CATSPERE: variants seen among roughly 807,000 people sequenced by gnomAD.
The protein encoded by CATSPERE is catsper channel auxiliary subunit epsilon.
CATSPERE carries 93 observed loss-of-function variants against 114.1 expected under a neutral mutation model. That is an observed-to-expected ratio of 0.81 (90% CI 0.69 to 0.97). CATSPERE has a LOEUF of 0.97. Ranked by LOEUF, CATSPERE falls within the 50% of genes least tolerant of loss-of-function variation. The probability of loss-of-function intolerance (pLI) is 0.00; values close to 1 mark genes in which losing one functional copy is unlikely to be tolerated. For synonymous variants in CATSPERE, 341 were observed against 384.1 expected (o/e 0.89, Z 1.31); for missense variants, 1,058 against 1,131.6 (o/e 0.93, Z 0.93).
intron 7 of CATSPERE, among the ~76,000 whole-genome samples, chr1:244,515,120 G>A (rs879855819): frequency 1.3e-5 from 2 of 152,160 alleles, no homozygotes; most frequent in African/African-American, 4.8e-5. Flanking sequence ...ACAATGCTTA[G>A]CATGATGTAG....
intron 19 of CATSPERE, 73 bp downstream of exon 19, chr1:244,610,399 T>C (rs1258184080): frequency 9.6e-7 from 1 of 1,042,412 alleles, no homozygotes; most frequent in Non-Finnish European, 1.5e-6. Flanking sequence ...AACAAAAACT[T>C]GATGGAAACA....
chr1:244,528,153 T>G (rs1383242134), intron 8 of CATSPERE, among the ~76,000 whole-genome samples: 1 of 152,160 alleles, frequency 6.6e-6, no homozygotes, highest in Non-Finnish European at 1.5e-5. Flanking sequence ...TTGTTCCCAC[T>G]CACCCCACCA....
chr1:244,537,186 A>G (rs972471968), intron 8 of CATSPERE, among the ~76,000 whole-genome samples: 2 of 152,136 alleles, frequency 1.3e-5, no homozygotes, highest in Admixed American at 1.3e-4. Context: ...GACTCTCTTT[A>G]TCAAGTTTAA....
rs33962480 is a variant in CATSPERE at position 244,552,064 on chromosome 1, CAAAAA to C, written c.537-239_537-235del. Among the ~76,000 whole-genome samples the C allele has an allele frequency of 3.6e-4, 22 of 61,354 alleles. No individual in the cohort carries two copies. The South Asian group carries it at 8.1e-3, about 23-fold the overall frequency. 40.3% of individuals were successfully genotyped at this position (61,354 alleles called of 152,430 possible). On this transcript the variant is annotated intron_variant, in intron 8 of 21. Transcript: ENST00000366534. The stretch of plus-strand genomic sequence containing the variant: ...GGGCGACAGAGAGACACTCTGTCTC[CAAAAA>C]AAAAAAAAAAAAAAAAAAGAATCTT...
At chr1:244,543,039 A>G (rs1019494518) in intron 8 of CATSPERE, among the ~76,000 whole-genome samples, 2 of 152,232 alleles carry the variant, frequency 1.3e-5, no homozygotes, top group African/African-American at 4.8e-5. Flanking sequence ...TATAGCCATT[A>G]TGGGAAATGG....
chr1:244,451,817 T>C, upstream of CATSPERE: 2 of 1,583,290 alleles, frequency 1.3e-6, no homozygotes, highest in Non-Finnish European at 1.7e-6. This position sits in a 1 kb window ranked among gnomAD's most constrained non-coding sequence, Gnocchi z 6.6. Context: ...GCGAACGCCA[T>C]GGCTCCAGTG....
intron 8 of CATSPERE, among the ~76,000 whole-genome samples, chr1:244,546,354 A>G (rs962901109): frequency 6.6e-6 from 1 of 152,226 alleles, no homozygotes; most frequent in Non-Finnish European, 1.5e-5. Flanking sequence ...TTGTTTTCCC[A>G]GACAAAACTA....
At chr1:244,462,147 C>T (rs557324571) in intron 1 of CATSPERE, among the ~76,000 whole-genome samples, 3 of 152,174 alleles carry the variant, frequency 2.0e-5, no homozygotes, top group Admixed American at 6.5e-5. Flanking sequence ...TGAATTCTTA[C>T]ATTCCTCTCA....
At chr1:244,490,516 T>G (rs1478941495) in intron 6 of CATSPERE, 45 bp downstream of exon 6, 4 of 1,123,952 alleles carry the variant, frequency 3.6e-6, no homozygotes, top group Middle Eastern at 2.0e-4. Context: ...ATATCACTAG[T>G]ATATTGTTTC....
At chr1:244,631,554 G>T (rs887463538) in intron 20 of CATSPERE, among the ~76,000 whole-genome samples, 1 of 152,102 alleles carries the variant, frequency 6.6e-6, no homozygotes, top group Non-Finnish European at 1.5e-5. Context: ...ACAAAAGATA[G>T]ATCCAATAAA....
intron 8 of CATSPERE, among the ~76,000 whole-genome samples, chr1:244,541,194 GA>G (rs2148458257): frequency 6.6e-6 from 1 of 150,614 alleles, no homozygotes; most frequent in East Asian, 2.0e-4. Context: ...CACAGCAAAA[GA>G]AACTACCATC....
upstream of CATSPERE, chr1:244,451,722 C>A: frequency 2.5e-6 from 4 of 1,610,854 alleles, no homozygotes; most frequent in Non-Finnish European, 3.4e-6. The surrounding 1 kb of genome is among the most constrained non-coding windows in gnomAD (Gnocchi z 6.6). Context: ...CACCGAGCAC[C>A]ACCGTCACCC....
intron 8 of CATSPERE, among the ~76,000 whole-genome samples, chr1:244,529,435 C>T (rs1679246010): frequency 6.6e-6 from 1 of 152,176 alleles, no homozygotes; most frequent in Admixed American, 6.5e-5. Flanking sequence ...AGCACCTTTT[C>T]ATATACCTAT....
chr1:244,614,675 A>T (rs2819008), intron 19 of CATSPERE, among the ~76,000 whole-genome samples: 1 of 152,084 alleles, frequency 6.6e-6, no homozygotes, highest in Non-Finnish European at 1.5e-5. Flanking sequence ...CCAGGGGTGT[A>T]CACACAGCTC....
chr1:244,516,621 A>ATCATCTGATTTTTTAATTCT (rs1676680110), intron 7 of CATSPERE, among the ~76,000 whole-genome samples: 24 of 149,520 alleles, frequency 1.6e-4, no homozygotes, highest in African/African-American at 6.2e-4. Context: ...TCCTGAGTTC[A>ATCATCTGATTTTTTAATTCT]AGTGATTCTC....
intron 6 of CATSPERE, among the ~76,000 whole-genome samples, chr1:244,493,929 G>T (rs574969542): frequency 6.6e-6 from 1 of 152,076 alleles, no homozygotes; most frequent in Admixed American, 6.6e-5. Context: ...TTAGAATGGC[G>T]ATCATTAAAA....
rs1168816949 is a variant in CATSPERE at position 244,626,089 on chromosome 1, G to A, written c.2648+8403G>A. ...ATTTTTGGAATGGTAAATGATTGCT[G>A]GCTTTAACTTAAAATCGTCAGCTAC... On this transcript the variant is annotated intron_variant, in intron 20 of 21. Coordinates refer to ENST00000366534, the MANE Select transcript of CATSPERE (RefSeq NM_001130957.2). 9.9e-5 allele frequency among the ~76,000 whole-genome samples: 15 copies of A among 152,108 alleles called. No homozygotes were observed. In the South Asian group the frequency reaches 1.9e-3, roughly 19 times the overall value.
intron 5 of CATSPERE, among the ~76,000 whole-genome samples, chr1:244,482,325 G>C (rs1670389576): frequency 6.6e-6 from 1 of 151,994 alleles, no homozygotes. Context: ...AAATTTGCCA[G>C]GCATAGTGAC....
chr1:244,463,982 ATAGT>A (rs765213182), intron 2 of CATSPERE, 26 bp downstream of exon 2: 54 of 1,505,178 alleles, frequency 3.6e-5, no homozygotes, highest in Admixed American at 1.8e-4. Flanking sequence ...TTAATAAACT[ATAGT>A]TAAATATTAA....
Sources: gnomAD v4.1 joint callset for allele counts (sites outside exome capture counted in the v4.1 genomes callset) on GRCh38, gnomAD v4.1.1 for gene constraint, Gnocchi (gnomAD v3.1) non-coding constraint, MANE v1.5 for transcripts, NCBI Gene and HGNC (gene_info 2026-07-23, HGNC 2026-07-21) for gene names.